AOPEP: variants seen among roughly 807,000 people sequenced by gnomAD.
AOPEP encodes the protein aminopeptidase O.
In AOPEP, 77 loss-of-function variants were observed where a neutral mutation model predicts 98.1. The observed-to-expected ratio is 0.78, with a 90% CI of 0.65 to 0.95. The LOEUF is 0.95. Ranked by LOEUF, AOPEP falls within the 40% of genes least tolerant of loss-of-function variation. The probability of loss-of-function intolerance (pLI) is 0.00; values close to 1 mark genes in which losing one functional copy is unlikely to be tolerated. For missense variants in AOPEP, 1,024 were observed against 1,024.7 expected, an observed-to-expected ratio of 1.00 and a Z score of 0.01; for synonymous variants, 346 against 365.3, an observed-to-expected ratio of 0.95 and a Z score of 0.60.
the AOPEP span, chr9:95,101,967 A>C: frequency 8.4e-7 from 1 of 1,191,210 alleles, no homozygotes; most frequent in Non-Finnish European, 1.2e-6. Flanking sequence ...CAGCATTTCC[A>C]TCAGTTCCAA....
chr9:94,877,725 A>G (rs1038375976), intron 5 of AOPEP, among the ~76,000 whole-genome samples: 12 of 152,224 alleles, frequency 7.9e-5, no homozygotes, highest in Admixed American at 6.5e-4. Context: ...CCAACCTCCT[A>G]CTGGATTTAA....
chr9:95,015,680 C>G (rs1306600138), intron 13 of AOPEP, among the ~76,000 whole-genome samples: 1 of 152,156 alleles, frequency 6.6e-6, no homozygotes, highest in Non-Finnish European at 1.5e-5. Flanking sequence ...CAGTTTGGAT[C>G]TCTATAAGGG....
At chr9:94,986,593 C>G (rs753137778) in intron 11 of AOPEP, among the ~76,000 whole-genome samples, 42 of 152,030 alleles carry the variant, frequency 2.8e-4, no homozygotes, top group Admixed American at 1.8e-3. Context: ...AGTGAGTGCA[C>G]AAGAATTAAA....
chr9:94,916,018 C>T (rs538506111), intron 5 of AOPEP, among the ~76,000 whole-genome samples: 1 of 152,280 alleles, frequency 6.6e-6, no homozygotes, highest in Admixed American at 6.5e-5. Context: ...AGCAGCCCTC[C>T]AGGCCTCCAC....
At chr9:94,796,512 A>G (rs558212123) in intron 4 of AOPEP, among the ~76,000 whole-genome samples, 2 of 152,304 alleles carry the variant, frequency 1.3e-5, no homozygotes, top group South Asian at 4.1e-4. Flanking sequence ...TGCCTTCCCC[A>G]GCACCCGTTC....
chr9:95,101,720 C>T, the AOPEP span: 23 of 1,613,862 alleles, frequency 1.4e-5, no homozygotes, highest in East Asian at 6.7e-5. Flanking sequence ...GACTTGAGTT[C>T]GCAGCTCTTT....
intron 5 of AOPEP, among the ~76,000 whole-genome samples, chr9:94,831,888 G>A (rs1303064161): frequency 1.3e-5 from 2 of 152,050 alleles, no homozygotes; most frequent in African/African-American, 2.4e-5. Flanking sequence ...ACAAACAAAG[G>A]TGTTTAATTT....
chr9:95,104,018 G>A, the AOPEP span, among the ~76,000 whole-genome samples: 1 of 152,034 alleles, frequency 6.6e-6, no homozygotes, highest in East Asian at 1.9e-4. Flanking sequence ...CCTGAGGGTG[G>A]AGAGACCCAA....
At chr9:95,050,378 C>G (rs2066238248) in intron 13 of AOPEP, among the ~76,000 whole-genome samples, 1 of 152,098 alleles carries the variant, frequency 6.6e-6, no homozygotes, top group Non-Finnish European at 1.5e-5. Context: ...GGAATTAATC[C>G]TTTGCTCTAT....
Position 94,955,908 on chromosome 9 carries a change from G to A in AOPEP, c.1765G>A (p.Gly589Ser), listed in dbSNP as rs191295758. The A allele has an allele frequency of 5.0e-6, 8 of 1,606,592 alleles. No homozygotes were observed. In the African/African-American group the frequency reaches 8.0e-5, roughly 16 times the overall value. ...TCTCTCTCTTTTTTCTTTCTTCTAG[G>A]GCTACTTCCTTCTTCGGTTTCTTGC... The part of the protein sequence containing the change: ...KIFMQVHYLK[G>S]YFLLRFLAKR... Residue 589 changes from glycine to serine, a missense_variant and splice_region_variant, in exon 9 of 17, where the codon GGC (glycine) becomes AGC (serine). Gly to Ser is a moderately conservative substitution (Grantham distance 56). Coordinates refer to ENST00000375315, the MANE Select transcript of AOPEP (RefSeq NM_001193329.3).
chr9:94,917,653 G>A (rs1274773268), intron 5 of AOPEP, among the ~76,000 whole-genome samples: 2 of 152,134 alleles, frequency 1.3e-5, no homozygotes, highest in Non-Finnish European at 2.9e-5. Flanking sequence ...TGACGTAGCT[G>A]CCCACTGCCC....
intron 10 of AOPEP, 141 bp from the exon 11 acceptor site, chr9:94,979,226 G>A (rs1044613471): frequency 5.4e-6 from 3 of 559,416 alleles, no homozygotes; most frequent in Non-Finnish European, 6.6e-6. Flanking sequence ...CTTCAACCCA[G>A]GGGAGCGCTG....
At chr9:95,070,613 A>G (rs1462225660) in intron 14 of AOPEP, among the ~76,000 whole-genome samples, 2 of 152,276 alleles carry the variant, frequency 1.3e-5, no homozygotes, top group East Asian at 1.9e-4. Flanking sequence ...AGCATGTACT[A>G]TGTGCTGGGC....
In AOPEP at chr9:94,993,666, C is replaced by T. The variant is rs2061035491; in HGVS notation, c.1978-11492C>T. Among the ~76,000 whole-genome samples the T allele has an allele frequency of 2.0e-5, 3 of 152,148 alleles. No individual in the cohort carries two copies. In the South Asian group the frequency reaches 6.2e-4, roughly 32 times the overall value. ...TTCCTTTGTAGGCCGAGGGGAGTTT[C>T]AAACCGCACTGAGAGACGTAGATCA... On this transcript the variant is annotated intron_variant, in intron 11 of 16. Transcript: ENST00000375315.
chr9:94,752,244 C>G (rs1835964425), intron 1 of AOPEP, among the ~76,000 whole-genome samples: 1 of 152,052 alleles, frequency 6.6e-6, no homozygotes, highest in Non-Finnish European at 1.5e-5. Flanking sequence ...AGTGGTATAT[C>G]ATAGTCTGTG....
Position 94,890,175 on chromosome 9 carries a change from G to A in AOPEP, c.1365-33811G>A, listed in dbSNP as rs760022374. On this transcript the variant is annotated intron_variant, in intron 5 of 16. Transcript: ENST00000375315. ...CCCGAGTAGCTGGGACTACAGGTGC[G>A]CACCACTATGCCTGGCTAATTTTTG... Among the ~76,000 whole-genome samples the A allele has an allele frequency of 2.0e-5, 3 of 150,838 alleles. No homozygotes were observed. In the South Asian group the frequency reaches 6.4e-4, roughly 32 times the overall value.
intron 5 of AOPEP, among the ~76,000 whole-genome samples, chr9:94,917,240 A>G (rs1408244106): frequency 6.6e-6 from 1 of 151,424 alleles, no homozygotes; most frequent in Non-Finnish European, 1.5e-5. Flanking sequence ...TCAGTAGCTG[A>G]GCCTTCTGTA....
intron 1 of AOPEP, among the ~76,000 whole-genome samples, chr9:94,742,246 T>C: frequency 6.6e-6 from 1 of 151,530 alleles, no homozygotes; most frequent in Non-Finnish European, 1.5e-5. Context: ...AAGAGAGGAG[T>C]CAATGTGAAG....
intron 5 of AOPEP, among the ~76,000 whole-genome samples, chr9:94,830,942 T>C (rs1855834569): frequency 6.6e-6 from 1 of 152,266 alleles, no homozygotes; most frequent in South Asian, 2.1e-4. Flanking sequence ...TTGTAGATTC[T>C]GGATATTAGA....
Sources: gnomAD v4.1 joint callset for allele counts (sites outside exome capture counted in the v4.1 genomes callset) on GRCh38, gnomAD v4.1.1 for gene constraint, MANE v1.5 for transcripts, NCBI Gene and HGNC (gene_info 2026-07-23, HGNC 2026-07-21) for gene names.